ATG4C: variants seen among roughly 807,000 people sequenced by gnomAD.
ATG4C encodes the protein cysteine protease ATG4C.
Under a neutral mutation model 57.6 loss-of-function variants are expected in ATG4C, and 56 were observed. That is an observed-to-expected ratio of 0.97 (90% CI 0.78 to 1.21). ATG4C has a LOEUF of 1.21. Among genes scored for constraint, ATG4C ranks in the 50% most tolerant of loss-of-function variants. The pLI, the probability that ATG4C is intolerant of heterozygous loss-of-function variation, is 0.00. For synonymous variants in ATG4C, 157 were observed against 174.1 expected (o/e 0.90, Z 0.78); for missense variants, 595 against 529.8 (o/e 1.12, Z -1.21).
In ATG4C at chr1:62,843,095, C is replaced by T. The variant is rs560325728; in HGVS notation, c.1209+1548C>T. 5.9e-5 allele frequency among the ~76,000 whole-genome samples: 9 copies of T among 151,740 alleles called. No individual in the cohort carries two copies. In the South Asian group the frequency reaches 1.7e-3, roughly 28 times the overall value. On this transcript the variant is annotated intron_variant, in intron 10 of 10. Coordinates refer to ENST00000317868, the MANE Select transcript of ATG4C (RefSeq NM_032852.4). The stretch of plus-strand genomic sequence containing the variant: ...TGGATGAAAATAAATATGTTTAAAA[C>T]AGTAAAGCAGTTTACTCCTGGAATA...
Position 62,803,729 on chromosome 1 carries a change from AG to A in ATG4C, c.-57del. 5.6e-6 allele frequency: 7 copies of A among 1,239,722 alleles called. No individual in the cohort carries two copies. The highest frequency in any genetic ancestry group is 8.0e-6 in the Non-Finnish European group (7 of 872,094). 76.8% of individuals were successfully genotyped at this position (1,239,722 alleles called of 1,614,324 possible). A position where few individuals can be genotyped will look rare whatever the true frequency, so the allele number is the denominator to read the frequency against. On this transcript the variant is annotated 5_prime_UTR_variant, in exon 2 of 11. Transcript: ENST00000317868. ...CCTTAATTTTTAAAGTCAGTATAAA[AG>A]ATTAAACTCTACAGAAGAATGCAAT...
At chr1:62,801,958 C>CAAAAAAAAAAAAAAAAA (rs60298362) in intron 1 of ATG4C, among the ~76,000 whole-genome samples, 1 of 51,890 alleles carries the variant, frequency 1.9e-5, no homozygotes, top group African/African-American at 6.2e-5. Flanking sequence ...ACTCTGTCTC[C>CAAAAAAAAAAAAAAAAA]AAAAAAAAAA....
chr1:62,805,486 T>A lies in ATG4C; in HGVS notation c.160+231T>A, dbSNP rs1664848594. Among the ~76,000 whole-genome samples the A allele has an allele frequency of 2.6e-5, 4 of 152,214 alleles. No individual in the cohort carries two copies. The South Asian group carries it at 8.3e-4, about 32-fold the overall frequency. On this transcript the variant is annotated intron_variant, in intron 3 of 10. Coordinates refer to ENST00000317868, the MANE Select transcript of ATG4C (RefSeq NM_032852.4). ...CATAATTTTGGACTTATAGTATGAG[T>A]ACTAAGTAAATATTATTTGAATTGA... is the stretch of plus-strand genomic sequence containing the variant.
intron 1 of ATG4C, among the ~76,000 whole-genome samples, chr1:62,802,636 T>C (rs1293165998): frequency 1.3e-5 from 2 of 152,222 alleles, no homozygotes; most frequent in African/African-American, 4.8e-5. Context: ...ATGATATTCC[T>C]GTTTGAAACA....
chr1:62,816,743 GC>G lies in ATG4C; in HGVS notation c.330del (p.Cys111AlafsTer3), dbSNP rs772561011. On this transcript the variant is annotated frameshift_variant, in exon 4 of 11. Transcript: ENST00000317868. LOFTEE classifies it high-confidence loss of function. ...GSALTTDCGW[G>X]CTLRTGQMLL... Reference sequence around the variant, plus strand: ...GCTTTGACAACAGACTGTGGGTGGGGCTGCACATTGAGAACTGGCCAGATGC... The same window carrying G: ...GCTTTGACAACAGACTGTGGGTGGGGTGCACATTGAGAACTGGCCAGATGC... 6.2e-7 allele frequency: 1 copy of G among 1,613,690 alleles called. No homozygotes were observed. The highest frequency in any genetic ancestry group is 1.7e-5 in the Admixed American group (1 of 59,948).
intron 6 of ATG4C, among the ~76,000 whole-genome samples, chr1:62,824,266 C>T (rs944778477): frequency 3.3e-5 from 5 of 152,130 alleles, no homozygotes; most frequent in Admixed American, 6.5e-5. Context: ...AAATGTGTGT[C>T]GAATGAAGAT....
intron 10 of ATG4C, among the ~76,000 whole-genome samples, chr1:62,857,660 C>T (rs562960469): frequency 2.0e-5 from 3 of 152,246 alleles, no homozygotes; most frequent in African/African-American, 4.8e-5. Context: ...ATTCAGGTTG[C>T]AGCTTGGTCT....
rs991315317 is a variant in ATG4C, at chr1:62,865,285, A to G, written c.*1126A>G. ...TCTGAAAACAATATTAATTTTTTTA[A>G]GTGGAGCTTTCATGTTTCAGTGTAG... On this transcript the variant is annotated 3_prime_UTR_variant, in exon 11 of 11. Coordinates refer to ENST00000317868, the MANE Select transcript of ATG4C (RefSeq NM_032852.4). 2 of 151,894 alleles carry G rather than the reference A, an allele frequency of 1.3e-5. No individual in the cohort carries two copies. Among genetic ancestry groups the G allele is most frequent in the Non-Finnish European group, 2.9e-5 (2 of 67,816 alleles). 9.4% of individuals were successfully genotyped at this position (151,894 alleles called of 1,614,324 possible). A position where few individuals can be genotyped will look rare whatever the true frequency, so the allele number is the denominator to read the frequency against.
chr1:62,790,326 C>G (rs993201579), intron 1 of ATG4C, among the ~76,000 whole-genome samples: 2 of 152,122 alleles, frequency 1.3e-5, no homozygotes, highest in African/African-American at 4.8e-5. Context: ...TCTGTTTTCC[C>G]AAAGAGAGAA....
At chr1:62,834,493 A>G (rs894335825) in intron 8 of ATG4C, among the ~76,000 whole-genome samples, 1 of 152,104 alleles carries the variant, frequency 6.6e-6, no homozygotes, top group Non-Finnish European at 1.5e-5. Flanking sequence ...TACATTTTTC[A>G]TATGCAAACT....
intron 2 of ATG4C, 70 bp from the exon 3 acceptor site, chr1:62,805,102 G>A (rs974613914): frequency 2.5e-5 from 36 of 1,441,592 alleles, no homozygotes; most frequent in Non-Finnish European, 3.2e-5. Context: ...AAAAGAAAAC[G>A]CTGCTAGACT....
chr1:62,844,135 A>C (rs1385790004), intron 10 of ATG4C, among the ~76,000 whole-genome samples: 1 of 127,662 alleles, frequency 7.8e-6, no homozygotes, highest in Non-Finnish European at 1.6e-5. Flanking sequence ...AAGGCTTCAT[A>C]TTAGGCAGGG....
chr1:62,832,031 G>A (rs186311641), intron 7 of ATG4C, among the ~76,000 whole-genome samples: 61 of 152,206 alleles, frequency 4.0e-4, no homozygotes, highest in African/African-American at 1.4e-3. Flanking sequence ...AGACTGCCTC[G>A]AAGTAAGGCA....
intron 6 of ATG4C, among the ~76,000 whole-genome samples, chr1:62,824,604 T>A (rs1222513768): frequency 6.6e-6 from 1 of 152,096 alleles, no homozygotes; most frequent in Non-Finnish European, 1.5e-5. Context: ...TCTCTTGAAC[T>A]GTGGTACTTA....
At chr1:62,808,197 A>G (rs1664943513) in intron 3 of ATG4C, among the ~76,000 whole-genome samples, 1 of 152,222 alleles carries the variant, frequency 6.6e-6, no homozygotes, top group African/African-American at 2.4e-5. Flanking sequence ...GCATCTGGAA[A>G]AGAGAGGATG....
At chr1:62,838,213 T>C (rs1017843551) in intron 9 of ATG4C, among the ~76,000 whole-genome samples, 2 of 152,176 alleles carry the variant, frequency 1.3e-5, no homozygotes, top group Admixed American at 1.3e-4. Flanking sequence ...ATTGATTCTC[T>C]CTGGCCAGTA....
rs1664760365 is a variant in ATG4C at position 62,803,782 on chromosome 1, T to G, written c.-5T>G. On this transcript the variant is annotated 5_prime_UTR_variant, in exon 2 of 11. An upstream open reading frame in the 5' UTR loses its in-frame stop. Transcript: ENST00000317868. ...AAGTGATGGCTTTTCCTTTAGAATT[T>G]GAATATGGAGGCTACAGGAACAGAT... The G allele has an allele frequency of 6.3e-7, 1 of 1,592,312 alleles. No individual in the cohort carries two copies. Among genetic ancestry groups the G allele is most frequent in the Non-Finnish European group, 8.6e-7 (1 of 1,168,510 alleles).
chr1:62,823,367 A>G (rs1202519017), intron 6 of ATG4C, among the ~76,000 whole-genome samples: 2 of 152,242 alleles, frequency 1.3e-5, no homozygotes, highest in East Asian at 3.9e-4. Context: ...AGTAAGTAGA[A>G]CCCATTTATT....
In ATG4C at chr1:62,819,179, A is replaced by G. The variant is rs770206856; in HGVS notation, c.569A>G (p.Glu190Gly). The change falls in exon 5 of 11, where the codon GAA (glutamate) becomes GGA (glycine). Residue 190 changes from glutamate to glycine, a missense_variant. Coordinates refer to ENST00000317868, the MANE Select transcript of ATG4C (RefSeq NM_032852.4). ...ATTGGGAAATATTCTGATGATCATG[A>G]AATGCGAAATGAAGTTTATCATAGG... ...ETIGKYSDDHEMRNEVYHRKI... is the reference protein window; with the variant it reads ...ETIGKYSDDHGMRNEVYHRKI... The G allele has an allele frequency of 1.2e-6, 2 of 1,613,548 alleles. No individual in the cohort carries two copies. The highest frequency in any genetic ancestry group is 1.7e-6 in the Non-Finnish European group (2 of 1,179,732).
Sources: gnomAD v4.1 joint callset for allele counts (sites outside exome capture counted in the v4.1 genomes callset) on GRCh38, gnomAD v4.1.1 for gene constraint, MANE v1.5 for transcripts, NCBI Gene and HGNC (gene_info 2026-07-23, HGNC 2026-07-21) for gene names.